MX2: variants seen among roughly 807,000 people sequenced by gnomAD.
MX2 encodes MX dynamin like GTPase 2, also known as interferon-induced GTP-binding protein Mx2.
Under a neutral mutation model 74.0 loss-of-function variants are expected in MX2, and 51 were observed. The ratio of observed to expected loss-of-function variants is 0.69; its 90% CI spans 0.55 to 0.87. MX2 has a LOEUF of 0.87. Among genes scored for constraint, MX2 ranks in the 40% least tolerant of loss-of-function variants. The pLI is 0.00. For synonymous variants in MX2, 369 were observed against 339.3 expected (o/e 1.09, Z -0.96); for missense variants, 832 against 908.7 (o/e 0.92, Z 1.09).
chr21:41,386,247 A>C (rs950430915), intron 5 of MX2, among the ~76,000 whole-genome samples: 4 of 150,176 alleles, frequency 2.7e-5, no homozygotes, highest in Non-Finnish European at 4.4e-5. Context: ...AAAAAAAAAA[A>C]AACAAATCTG....
At chr21:41,378,078 T>C (rs549615047) in intron 3 of MX2, 97 bp downstream of exon 3, 23 of 1,407,618 alleles carry the variant, frequency 1.6e-5, no homozygotes, top group African/African-American at 1.3e-4. Flanking sequence ...GACAGGCTGC[T>C]GGGTGAGAGA....
chr21:41,395,538 T>C (rs1226427958), intron 6 of MX2, 49 bp from the exon 7 acceptor site: 1 of 1,590,634 alleles, frequency 6.3e-7, no homozygotes, highest in Non-Finnish European at 8.6e-7. Context: ...TCAAACCTGT[T>C]TGAGGGGATC....
At position 41,403,270 on chromosome 21, in the gene MX2, T is replaced by A; in HGVS notation, c.1577T>A (p.Ile526Asn). The A allele has an allele frequency of 6.2e-7, 1 of 1,609,062 alleles. No homozygotes were observed. The highest frequency in any genetic ancestry group is 8.5e-7 in the Non-Finnish European group (1 of 1,176,240). Residue 526 changes from isoleucine to asparagine, a missense_variant, in exon 12 of 14, where the codon ATT (isoleucine) becomes AAT (asparagine). Physicochemically the swap from Ile to Asn is moderately radical, Grantham distance 149. Transcript: ENST00000330714. Reference sequence around the variant, plus strand: ...CCTTTTTGCTTTTTTTGGTCAGAAATTATCCAGCAAGCTTTCATTAACGTG... The same window carrying A: ...CCTTTTTGCTTTTTTTGGTCAGAAAATATCCAGCAAGCTTTCATTAACGTG... ...ALSMLQKAME[I>N]IQQAFINVAK...
At chr21:41,371,594 G>A (rs2089325397) in intron 1 of MX2, among the ~76,000 whole-genome samples, 1 of 152,198 alleles carries the variant, frequency 6.6e-6, no homozygotes, top group Admixed American at 6.5e-5. Flanking sequence ...GCAGAGCCAG[G>A]CCTTGCTGGA....
rs2089289959 is a variant in MX2, at chr21:41,368,740, TTC to T, written c.-72+6687_-72+6688del. 6.6e-6 allele frequency among the ~76,000 whole-genome samples: 1 copy of T among 152,240 alleles called. No individual in the cohort carries two copies. The highest frequency in any genetic ancestry group is 1.5e-5 in the Non-Finnish European group (1 of 68,040). On this transcript the variant is annotated intron_variant, in intron 1 of 13. Coordinates refer to ENST00000330714, the MANE Select transcript of MX2 (RefSeq NM_002463.2). The surrounding 1 kb of genome is among the most constrained non-coding windows in gnomAD (Gnocchi z 4.6). ...ACAAAAGGAACCCTCCTTTCCCTTG[TTC>T]TTTCTTCCCATGGAGAGGAAGAAGT...
rs566346654 is a variant in MX2, at chr21:41,385,603, CTGGTATGTCTTTA to C, written c.732+3042_732+3054del. ...TTTTTCTGTACAAATTTCGCTGTCT[CTGGTATGTCTTTA>C]TGAGCAGTGTGAGAACAGACTAATG... On this transcript the variant is annotated intron_variant, in intron 5 of 13. Transcript: ENST00000330714. Among the ~76,000 whole-genome samples the C allele has an allele frequency of 3.9e-5, 6 of 152,278 alleles. No homozygotes were observed. The South Asian group carries it at 1.2e-3, about 32-fold the overall frequency.
At chr21:41,377,220 G>C (rs2089418040) in intron 2 of MX2, 65 bp downstream of exon 2, 2 of 1,588,378 alleles carry the variant, frequency 1.3e-6, no homozygotes, top group Non-Finnish European at 1.7e-6. Flanking sequence ...GGGCTGTCAT[G>C]TAAGCCCACC....
rs757913597 is a variant in MX2, at chr21:41,385,434, A to T, written c.732+2870A>T. Among the ~76,000 whole-genome samples the T allele has an allele frequency of 2.0e-5, 3 of 152,276 alleles. No individual in the cohort carries two copies. The East Asian group carries it at 5.8e-4, about 29-fold the overall frequency. On this transcript the variant is annotated intron_variant, in intron 5 of 13. Coordinates refer to ENST00000330714, the MANE Select transcript of MX2 (RefSeq NM_002463.2). ...GTTCTCTTACTAGTGAATATGTCTC[A>T]TGAGATCTAATGGTTTTATGAAGGG...
In MX2 at chr21:41,399,341, A is replaced by G. The variant is rs1385554515; in HGVS notation, c.1414+4A>G. The G allele has an allele frequency of 6.2e-7, 1 of 1,613,090 alleles. No individual in the cohort carries two copies. ...CTTGCAACTAATACCCAAAAAGGTA[A>G]GTTCTGGGCAGGGCTCCCTGCAAAA... On this transcript the variant is annotated splice_donor_region_variant and intron_variant, in intron 10 of 13. Coordinates refer to ENST00000330714, the MANE Select transcript of MX2 (RefSeq NM_002463.2).
At chr21:41,395,875 C>A in intron 7 of MX2, 90 bp downstream of exon 7, 1 of 1,252,322 alleles carries the variant, frequency 8.0e-7, no homozygotes, top group Non-Finnish European at 1.1e-6. Context: ...AAAGTGTATG[C>A]ACAAATTACA....
chr21:41,404,588 A>C (rs1256168092), intron 12 of MX2: 1 of 152,252 alleles, frequency 6.6e-6, no homozygotes, highest in Admixed American at 6.5e-5. Flanking sequence ...AGAAAGAAGG[A>C]AGGAGGGTAG....
intron 5 of MX2, among the ~76,000 whole-genome samples, chr21:41,385,051 G>A (rs1027281260): frequency 9.9e-5 from 15 of 152,178 alleles, no homozygotes; most frequent in Non-Finnish European, 2.2e-4. Context: ...GAGTGTGAGT[G>A]TGAGTGTGTG....
At chr21:41,378,667 A>C (rs796171029) in intron 3 of MX2, among the ~76,000 whole-genome samples, 12 of 152,356 alleles carry the variant, frequency 7.9e-5, no homozygotes, top group African/African-American at 2.9e-4. Context: ...TTAATAAAAT[A>C]ATTATAAAGG....
At chr21:41,392,800 A>G (rs1357165626) in intron 6 of MX2, among the ~76,000 whole-genome samples, 1 of 152,160 alleles carries the variant, frequency 6.6e-6, no homozygotes, top group Non-Finnish European at 1.5e-5. Flanking sequence ...TGTATTTTAC[A>G]ATTCTTTTAA....
Position 41,388,013 on chromosome 21 carries a change from C to T in MX2, c.733-2552C>T, listed in dbSNP as rs907292244. On this transcript the variant is annotated intron_variant, in intron 5 of 13. Transcript: ENST00000330714. This position sits in a 1 kb window ranked among gnomAD's most constrained non-coding sequence, Gnocchi z 4.0. ...GCTTCAAATAACACACCCAGGCCCA[C>T]GTCTCCTCCCACTTCCACCAGCACC... Among the ~76,000 whole-genome samples the T allele has an allele frequency of 2.0e-5, 3 of 152,108 alleles. No individual in the cohort carries two copies. The highest frequency in any genetic ancestry group is 4.4e-5 in the Non-Finnish European group (3 of 68,028).
At position 41,399,262 on chromosome 21, in the gene MX2, G is replaced by A; in HGVS notation, c.1339G>A (p.Glu447Lys). The A allele has an allele frequency of 2.5e-6, 4 of 1,613,826 alleles. No homozygotes were observed. The highest frequency in any genetic ancestry group is 3.4e-6 in the Non-Finnish European group (4 of 1,179,696). Residue 447 changes from glutamate (E) to lysine (K), a missense_variant, in exon 10 of 14, where the codon GAG (glutamate) becomes AAG (lysine). Coordinates refer to ENST00000330714, the MANE Select transcript of MX2 (RefSeq NM_002463.2). ...VEGEEVVREN[E>K]TRLYNKIRED... Reference sequence around the variant, plus strand: ...AGGAGAAGAAGTTGTAAGGGAGAATGAGACCCGTTTATACAACAAAATCAG... The same window carrying A: ...AGGAGAAGAAGTTGTAAGGGAGAATAAGACCCGTTTATACAACAAAATCAG...
chr21:41,373,846 G>A lies in MX2; in HGVS notation c.-71-2990G>A, dbSNP rs116166745. 278 of 149,484 alleles carry A rather than the reference G, an allele frequency of 1.9e-3. 1 individual carries two copies. The highest frequency in any genetic ancestry group is 6.7e-3 in the African/African-American group (270 of 40,244). The allele number at this position is 149,484 out of a possible 1,614,324, so 9.3% of individuals were successfully genotyped here. On this transcript the variant is annotated intron_variant, in intron 1 of 13. Coordinates refer to ENST00000330714, the MANE Select transcript of MX2 (RefSeq NM_002463.2). The stretch of plus-strand genomic sequence containing the variant: ...AAAAAAGCCAGACAGAGACAGGCAG[G>A]TGTCCTCCCAGCCGGGCCTCGATGG...
intron 5 of MX2, among the ~76,000 whole-genome samples, chr21:41,384,158 A>T (rs771887905): frequency 1.3e-5 from 2 of 152,140 alleles, no homozygotes; most frequent in South Asian, 2.1e-4. Flanking sequence ...GCCCTCCCCC[A>T]TGATTGTAAG....
intron 5 of MX2, among the ~76,000 whole-genome samples, chr21:41,386,441 G>C (rs927749578): frequency 6.6e-6 from 1 of 152,160 alleles, no homozygotes; most frequent in African/African-American, 2.4e-5. Context: ...CTGTCATTGT[G>C]GCTGTGAGAG....
Sources: gnomAD v4.1 joint callset for allele counts (sites outside exome capture counted in the v4.1 genomes callset) on GRCh38, gnomAD v4.1.1 for gene constraint, Gnocchi (gnomAD v3.1) non-coding constraint, MANE v1.5 for transcripts, NCBI Gene and HGNC (gene_info 2026-07-23, HGNC 2026-07-21) for gene names.